NLGN1: variants seen among roughly 807,000 people sequenced by gnomAD.
NLGN1 encodes the protein neuroligin 1.
A neutral mutation model predicts 65.5 loss-of-function variants in NLGN1; 12 were observed. The ratio of observed to expected loss-of-function variants is 0.18; its 90% CI spans 0.12 to 0.30. The LOEUF (loss-of-function observed/expected upper bound fraction) is 0.30, where lower values mean the gene tolerates loss of function less well. Ranked by LOEUF, NLGN1 falls within the 10% of genes least tolerant of loss-of-function variation. The pLI, the probability that NLGN1 is intolerant of heterozygous loss-of-function variation, is 1.00. For synonymous variants in NLGN1, 350 were observed against 359.5 expected (o/e 0.97, Z 0.30); for missense variants, 750 against 1,007.1 (o/e 0.74, Z 3.46).
Position 173,570,164 on chromosome 3 carries a change from TAG to T in NLGN1, c.-320-34112_-320-34111del, listed in dbSNP as rs1744413709. 9.2e-5 allele frequency among the ~76,000 whole-genome samples: 14 copies of T among 152,212 alleles called. No individual in the cohort carries two copies. The South Asian group carries it at 2.9e-3, about 32-fold the overall frequency. ...ATAGATTGTATCTCTGAAGGGTTAA[TAG>T]AGGCAGTGCTGACTAAAGTAAGAAT... On this transcript the variant is annotated intron_variant, in intron 2 of 6. Transcript: ENST00000457714.
chr3:173,549,557 G>T (rs1740493730), intron 2 of NLGN1, among the ~76,000 whole-genome samples: 1 of 151,850 alleles, frequency 6.6e-6, no homozygotes, highest in Non-Finnish European at 1.5e-5. Context: ...ATAAAAAAAG[G>T]TACCTCTCAT....
At chr3:173,975,858 C>A (rs544585522) in intron 4 of NLGN1, among the ~76,000 whole-genome samples, 1 of 152,070 alleles carries the variant, frequency 6.6e-6, no homozygotes, top group African/African-American at 2.4e-5. Flanking sequence ...TATTTAGTTT[C>A]TTTCCACTAG....
intron 4 of NLGN1, among the ~76,000 whole-genome samples, chr3:173,905,111 A>G (rs1334461388): frequency 6.6e-6 from 1 of 152,156 alleles, no homozygotes. Flanking sequence ...TAACAATTTC[A>G]CTATTTCCCT....
chr3:173,414,031 C>T (rs966036625), intron 1 of NLGN1, among the ~76,000 whole-genome samples: 3 of 152,216 alleles, frequency 2.0e-5, no homozygotes, highest in Non-Finnish European at 2.9e-5. Flanking sequence ...ATCCTGGGTT[C>T]GGGAAGGTAC....
intron 4 of NLGN1, among the ~76,000 whole-genome samples, chr3:174,058,445 C>T (rs1233224198): frequency 6.6e-6 from 1 of 151,990 alleles, no homozygotes; most frequent in Non-Finnish European, 1.5e-5. Context: ...TAGAAAAGAG[C>T]AAGAGGGGTG....
chr3:174,271,689 G>A (rs1271225678), intron 4 of NLGN1, among the ~76,000 whole-genome samples: 1 of 151,786 alleles, frequency 6.6e-6, no homozygotes, highest in Non-Finnish European at 1.5e-5. Context: ...CTCAGTAGAT[G>A]TAATCAACTA....
At chr3:173,664,946 G>T (rs1445858860) in intron 3 of NLGN1, among the ~76,000 whole-genome samples, 1 of 152,074 alleles carries the variant, frequency 6.6e-6, no homozygotes, top group Non-Finnish European at 1.5e-5. Flanking sequence ...AATGTCAGGG[G>T]TAATGATTTG....
intron 4 of NLGN1, among the ~76,000 whole-genome samples, chr3:174,022,663 T>G (rs1327745128): frequency 6.6e-6 from 1 of 152,148 alleles, no homozygotes; most frequent in African/African-American, 2.4e-5. Context: ...CCAGTCAGAA[T>G]GACTATTTTG....
chr3:173,443,045 T>TG (rs763747963), intron 2 of NLGN1, among the ~76,000 whole-genome samples: 5 of 151,928 alleles, frequency 3.3e-5, no homozygotes, highest in African/African-American at 7.2e-5. Context: ...GGGAGGCAAA[T>TG]GGCTGTATAT....
At chr3:174,156,930 C>A (rs993211154) in intron 4 of NLGN1, among the ~76,000 whole-genome samples, 1 of 150,126 alleles carries the variant, frequency 6.7e-6, no homozygotes, top group Non-Finnish European at 1.5e-5. Flanking sequence ...TTTTAAATTG[C>A]GTGATTTTAA....
chr3:173,923,310 C>A (rs76269955), intron 4 of NLGN1, among the ~76,000 whole-genome samples: 1 of 152,170 alleles, frequency 6.6e-6, no homozygotes, highest in East Asian at 1.9e-4. Flanking sequence ...TCTGGAACTT[C>A]AAAAGGACTT....
At chr3:173,697,478 G>T (rs9942029) in intron 3 of NLGN1, among the ~76,000 whole-genome samples, 2,933 of 152,082 alleles carry the variant, frequency 0.019, 101 homozygotes, top group African/African-American at 0.065. Context: ...ATTAAGAGAG[G>T]GACATACAAA....
intron 4 of NLGN1, among the ~76,000 whole-genome samples, chr3:173,946,359 A>C (rs1320036237): frequency 6.6e-6 from 1 of 152,034 alleles, no homozygotes; most frequent in East Asian, 1.9e-4. Context: ...TGTTTTCTTC[A>C]TAGGAAGGTT....
At chr3:173,532,027 C>T (rs1430714115) in intron 2 of NLGN1, among the ~76,000 whole-genome samples, 1 of 152,138 alleles carries the variant, frequency 6.6e-6, no homozygotes, top group Non-Finnish European at 1.5e-5. Context: ...TCAATTTCCT[C>T]TTCACTAGAT....
At chr3:174,004,827 G>A (rs946736651) in intron 4 of NLGN1, among the ~76,000 whole-genome samples, 1 of 151,964 alleles carries the variant, frequency 6.6e-6, no homozygotes, top group African/African-American at 2.4e-5. Context: ...ACAGTTACTG[G>A]GAGAGTCATA....
chr3:173,758,288 T>G (rs2150193111), intron 3 of NLGN1, among the ~76,000 whole-genome samples: 1 of 152,132 alleles, frequency 6.6e-6, no homozygotes, highest in Admixed American at 6.6e-5. Flanking sequence ...AAATTTCTGT[T>G]GTTTAAGCTA....
chr3:174,257,630 T>C (rs753524462), intron 4 of NLGN1, among the ~76,000 whole-genome samples: 1 of 152,014 alleles, frequency 6.6e-6, no homozygotes, highest in Non-Finnish European at 1.5e-5. Flanking sequence ...CTGGGAGCCA[T>C]TACCCTCAAC....
chr3:173,559,141 T>G (rs553940125), intron 2 of NLGN1, among the ~76,000 whole-genome samples: 1 of 152,202 alleles, frequency 6.6e-6, no homozygotes, highest in Non-Finnish European at 1.5e-5. Context: ...TATCTTTGGA[T>G]TCATTTCTAG....
chr3:174,112,315 T>C (rs947121931), intron 4 of NLGN1, among the ~76,000 whole-genome samples: 2 of 151,922 alleles, frequency 1.3e-5, no homozygotes, highest in African/African-American at 4.8e-5. Flanking sequence ...ATTAAAAATT[T>C]CTCTTTATTA....
Sources: allele counts gnomAD v4.1 joint callset (sites outside exome capture counted in the v4.1 genomes callset), GRCh38; gene constraint gnomAD v4.1.1; transcripts MANE v1.5; gene names NCBI Gene and HGNC (gene_info 2026-07-23, HGNC 2026-07-21).